AFG2A: variants seen among roughly 807,000 people sequenced by gnomAD.
AFG2A encodes AAA ATPase AFG2A, also known as ATPase family gene 2 protein homolog A.
the AFG2A span, among the ~76,000 whole-genome samples, chr4:123,303,707 C>T: frequency 6.6e-6 from 1 of 151,918 alleles, no homozygotes; most frequent in Non-Finnish European, 1.5e-5. Flanking sequence ...ACTGCAGTGA[C>T]CCATGTTCAA....
chr4:123,174,295 T>C, the AFG2A span, among the ~76,000 whole-genome samples: 1,141 of 152,274 alleles, frequency 7.5e-3, 9 homozygotes, highest in African/African-American at 0.025. Flanking sequence ...ATGGAACAAA[T>C]TACAGAACTT....
chr4:123,245,439 GT>G, the AFG2A span, among the ~76,000 whole-genome samples: 1 of 152,106 alleles, frequency 6.6e-6, no homozygotes, highest in Non-Finnish European at 1.5e-5. Flanking sequence ...TGCCCCTATA[GT>G]TTTTTAAAAA....
At chr4:123,300,497 C>G in the AFG2A span, among the ~76,000 whole-genome samples, 1 of 152,096 alleles carries the variant, frequency 6.6e-6, no homozygotes, top group Non-Finnish European at 1.5e-5. Flanking sequence ...GAGTGTACCT[C>G]ACTCCTTACA....
At chr4:123,309,844 A>G in the AFG2A span, among the ~76,000 whole-genome samples, 101,336 of 152,154 alleles carry the variant, frequency 0.67, 36,948 homozygotes, top group Non-Finnish European at 0.81. Flanking sequence ...GGAATACTCA[A>G]CCTGTATAGT....
chr4:122,953,716 G>T, the AFG2A span, among the ~76,000 whole-genome samples: 1 of 152,344 alleles, frequency 6.6e-6, no homozygotes, highest in East Asian at 1.9e-4. Context: ...AGCTGTTCCT[G>T]CCACTACCAG....
At chr4:122,984,642 T>C in the AFG2A span, among the ~76,000 whole-genome samples, 1 of 152,224 alleles carries the variant, frequency 6.6e-6, no homozygotes, top group African/African-American at 2.4e-5. Flanking sequence ...CCAGTTTTGC[T>C]GACAGTTTTA....
At chr4:122,988,209 C>G in the AFG2A span, among the ~76,000 whole-genome samples, 4 of 151,294 alleles carry the variant, frequency 2.6e-5, no homozygotes, top group African/African-American at 9.7e-5. Context: ...TTGCTGCTTT[C>G]AAAATTTGTT....
At chr4:123,170,019 T>G in the AFG2A span, among the ~76,000 whole-genome samples, 1 of 152,176 alleles carries the variant, frequency 6.6e-6, no homozygotes, top group Non-Finnish European at 1.5e-5. Context: ...GAAACAGAGT[T>G]AGGGTTCGTT....
At chr4:123,052,160 CTG>C in the AFG2A span, among the ~76,000 whole-genome samples, 62 of 151,988 alleles carry the variant, frequency 4.1e-4, no homozygotes, top group Non-Finnish European at 7.9e-4. Context: ...TCTCCTCTGA[CTG>C]TGTATTTTCA....
At chr4:123,192,880 AT>A in the AFG2A span, among the ~76,000 whole-genome samples, 1 of 152,390 alleles carries the variant, frequency 6.6e-6, no homozygotes, top group Non-Finnish European at 1.5e-5. Context: ...TTATTTAAAA[AT>A]ATGTCATATT....
chr4:123,003,974 C>A, the AFG2A span, among the ~76,000 whole-genome samples: 1 of 152,214 alleles, frequency 6.6e-6, no homozygotes, highest in Admixed American at 6.5e-5. Context: ...GTTCAAGCTT[C>A]TTGGCTGTTT....
At chr4:123,038,537 C>T in the AFG2A span, among the ~76,000 whole-genome samples, 1 of 152,050 alleles carries the variant, frequency 6.6e-6, no homozygotes, top group African/African-American at 2.4e-5. Context: ...AAACTTCAAG[C>T]TTAAAATAAC....
chr4:123,049,753 T>A, the AFG2A span, among the ~76,000 whole-genome samples: 1 of 152,070 alleles, frequency 6.6e-6, no homozygotes, highest in Non-Finnish European at 1.5e-5. Flanking sequence ...TTTGTTGATT[T>A]TATGGTTTCA....
chr4:123,145,391 G>C, the AFG2A span, among the ~76,000 whole-genome samples: 1 of 152,008 alleles, frequency 6.6e-6, no homozygotes, highest in Non-Finnish European at 1.5e-5. Flanking sequence ...AAATTACACA[G>C]GAGTCCTTCA....
the AFG2A span, among the ~76,000 whole-genome samples, chr4:123,258,187 C>T: frequency 6.6e-6 from 1 of 152,204 alleles, no homozygotes; most frequent in Non-Finnish European, 1.5e-5. Flanking sequence ...CTAACAGCTA[C>T]ATCTTAGTAG....
the AFG2A span, among the ~76,000 whole-genome samples, chr4:123,139,180 G>A: frequency 2.0e-5 from 3 of 152,188 alleles, no homozygotes; most frequent in East Asian, 3.9e-4. Context: ...AGTACATAGA[G>A]TGAAAATACT....
chr4:123,073,820 A>G, the AFG2A span, among the ~76,000 whole-genome samples: 1 of 152,228 alleles, frequency 6.6e-6, no homozygotes, highest in Non-Finnish European at 1.5e-5. Context: ...GTGTATGCAA[A>G]CAAGTAGTAC....
At chr4:123,008,920 CT>C in the AFG2A span, among the ~76,000 whole-genome samples, 44 of 152,178 alleles carry the variant, frequency 2.9e-4, no homozygotes, top group Admixed American at 2.8e-3. Flanking sequence ...GGTGTGAGTT[CT>C]GGAGAACTGT....
the AFG2A span, among the ~76,000 whole-genome samples, chr4:123,206,540 C>T: frequency 6.6e-6 from 1 of 152,122 alleles, no homozygotes; most frequent in Non-Finnish European, 1.5e-5. Context: ...TGTACAACTC[C>T]TTCATTTCTG....
Sources: allele counts gnomAD v4.1 joint callset (sites outside exome capture counted in the v4.1 genomes callset), GRCh38; gene constraint gnomAD v4.1.1; transcripts MANE v1.5; gene names NCBI Gene and HGNC (gene_info 2026-07-23, HGNC 2026-07-21).